The following NLGN1 variants were observed in gnomAD, a reference collection of about 807,000 sequenced individuals.
NLGN1 encodes the protein neuroligin 1.
A neutral mutation model predicts 65.5 loss-of-function variants in NLGN1; 12 were observed. That is an observed-to-expected ratio of 0.18 (90% confidence interval 0.12 to 0.30). NLGN1 has a LOEUF of 0.30. Ranked by LOEUF, NLGN1 falls within the 10% of genes least tolerant of loss-of-function variation. NLGN1 has a pLI of 1.00. For synonymous variants in NLGN1, 350 were observed against 359.5 expected (o/e 0.97, Z 0.30); for missense variants, 750 against 1,007.1 (o/e 0.74, Z 3.46).
chr3:173,500,955 G>A (rs1285631396), intron 2 of NLGN1, among the ~76,000 whole-genome samples: 4 of 152,012 alleles, frequency 2.6e-5, no homozygotes, highest in Non-Finnish European at 5.9e-5. Flanking sequence ...CACTTAACAC[G>A]TTGCTTGCAC....
At chr3:173,545,976 G>A (rs1453084391) in intron 2 of NLGN1, among the ~76,000 whole-genome samples, 2 of 152,110 alleles carry the variant, frequency 1.3e-5, no homozygotes, top group South Asian at 2.1e-4. Context: ...GATAGCATTA[G>A]GAGAAATACC....
chr3:173,790,993 G>A (rs962376226), intron 3 of NLGN1, among the ~76,000 whole-genome samples: 22 of 152,256 alleles, frequency 1.4e-4, no homozygotes, highest in African/African-American at 3.9e-4. Flanking sequence ...GTATAATTTA[G>A]GAAATACCTT....
chr3:173,772,660 T>C (rs1779750710), intron 3 of NLGN1, among the ~76,000 whole-genome samples: 1 of 152,120 alleles, frequency 6.6e-6, no homozygotes, highest in Non-Finnish European at 1.5e-5. Context: ...AAACTTGATA[T>C]GCCCCACATT....
chr3:173,846,986 G>C (rs1251182526), intron 4 of NLGN1, among the ~76,000 whole-genome samples: 1 of 152,126 alleles, frequency 6.6e-6, no homozygotes, highest in Non-Finnish European at 1.5e-5. Flanking sequence ...CATTTTTAAA[G>C]CCTTGTTTTA....
chr3:173,991,278 A>G (rs1292466722), intron 4 of NLGN1, among the ~76,000 whole-genome samples: 1 of 152,188 alleles, frequency 6.6e-6, no homozygotes, highest in Non-Finnish European at 1.5e-5. Flanking sequence ...ATATAATTTA[A>G]TAGAAAATAC....
At chr3:173,490,711 T>C (rs1728983021) in intron 2 of NLGN1, among the ~76,000 whole-genome samples, 1 of 152,196 alleles carries the variant, frequency 6.6e-6, no homozygotes, top group African/African-American at 2.4e-5. Context: ...CGATATTGAT[T>C]CTTCCTATCC....
intron 4 of NLGN1, among the ~76,000 whole-genome samples, chr3:174,019,732 TAAG>T (rs1284478306): frequency 6.6e-6 from 1 of 152,154 alleles, no homozygotes; most frequent in Non-Finnish European, 1.5e-5. Flanking sequence ...ATTTTGCTAT[TAAG>T]AAGAATGGGA....
At chr3:173,650,649 G>A (rs1668136105) in intron 3 of NLGN1, among the ~76,000 whole-genome samples, 1 of 152,094 alleles carries the variant, frequency 6.6e-6, no homozygotes, top group African/African-American at 2.4e-5. Flanking sequence ...GGAACTTATT[G>A]TGGTGAGTAA....
chr3:173,678,206 C>T (rs1301949061), intron 3 of NLGN1, among the ~76,000 whole-genome samples: 1 of 152,020 alleles, frequency 6.6e-6, no homozygotes, highest in African/African-American at 2.4e-5. Flanking sequence ...AGTCATTTGA[C>T]AAATGTATAT....
intron 4 of NLGN1, among the ~76,000 whole-genome samples, chr3:174,075,151 G>A (rs1304352067): frequency 6.6e-6 from 1 of 152,022 alleles, no homozygotes; most frequent in Non-Finnish European, 1.5e-5. Flanking sequence ...CTGAATTCTG[G>A]TGGCATTTAA....
chr3:173,654,431 C>T (rs1464148722), intron 3 of NLGN1, among the ~76,000 whole-genome samples: 1 of 152,068 alleles, frequency 6.6e-6, no homozygotes, highest in Non-Finnish European at 1.5e-5. Flanking sequence ...AATTGTTACT[C>T]TTATCCTGTA....
intron 4 of NLGN1, among the ~76,000 whole-genome samples, chr3:174,196,597 G>C (rs1733467020): frequency 6.6e-6 from 1 of 152,034 alleles, no homozygotes; most frequent in Non-Finnish European, 1.5e-5. Flanking sequence ...TGGAAATTTG[G>C]TGCGTTCTTA....
chr3:173,569,249 C>T (rs536443900), intron 2 of NLGN1, among the ~76,000 whole-genome samples: 18 of 152,124 alleles, frequency 1.2e-4, no homozygotes, highest in South Asian at 4.2e-4. Context: ...TAAAACAACA[C>T]GGATACCTGG....
At chr3:174,080,317 G>T (rs1741892215) in intron 4 of NLGN1, among the ~76,000 whole-genome samples, 1 of 152,190 alleles carries the variant, frequency 6.6e-6, no homozygotes. Context: ...TTTGACCAAG[G>T]AGGCATAGGG....
chr3:174,025,196 C>G (rs796904701), intron 4 of NLGN1, among the ~76,000 whole-genome samples: 1 of 152,008 alleles, frequency 6.6e-6, no homozygotes, highest in Non-Finnish European at 1.5e-5. Flanking sequence ...TTAACAAGTA[C>G]CTAGGCCAAA....
At chr3:174,023,638 T>C (rs1300138391) in intron 4 of NLGN1, among the ~76,000 whole-genome samples, 1 of 152,168 alleles carries the variant, frequency 6.6e-6, no homozygotes, top group African/African-American at 2.4e-5. Flanking sequence ...AAGTGGCTGC[T>C]ATCCAGGATG....
intron 4 of NLGN1, among the ~76,000 whole-genome samples, chr3:174,044,532 G>A (rs964604605): frequency 5.3e-5 from 8 of 152,212 alleles, no homozygotes; most frequent in South Asian, 2.1e-4. Flanking sequence ...CTAAAGCTTA[G>A]CAAGAACCAC....
At chr3:173,622,068 T>C (rs897078322) in intron 3 of NLGN1, among the ~76,000 whole-genome samples, 3 of 152,134 alleles carry the variant, frequency 2.0e-5, no homozygotes, top group Admixed American at 6.6e-5. Context: ...CTAAAATTTC[T>C]CTATTACTGT....
rs115277405 is a variant in NLGN1 at position 174,245,267 on chromosome 3, G to T, written c.647-30048G>T. On this transcript the variant is annotated intron_variant, in intron 4 of 6. Transcript: ENST00000457714. The stretch of plus-strand genomic sequence containing the variant: ...GTCTTTGTAATTTTTAGTTCAAAAG[G>T]CAATCACCCTATTAATTTTTTAAAC... 5.3e-3 allele frequency among the ~76,000 whole-genome samples: 800 copies of T among 151,978 alleles called. 4 individuals are homozygous for T. The highest frequency in any genetic ancestry group is 0.01 in the Middle Eastern group (3 of 294).
Sources: allele counts gnomAD v4.1 joint callset (sites outside exome capture counted in the v4.1 genomes callset), GRCh38; gene constraint gnomAD v4.1.1; transcripts MANE v1.5; gene names NCBI Gene and HGNC (gene_info 2026-07-23, HGNC 2026-07-21).